Variants in PARD3B observed in about 807,000 individuals in gnomAD.
PARD3B encodes partitioning defective 3 homolog B.
A neutral mutation model predicts 130.2 loss-of-function variants in PARD3B; 103 were observed. The observed-to-expected ratio is 0.79, with a 90% CI of 0.67 to 0.93. The LOEUF is 0.93. Ranked by LOEUF, PARD3B falls within the 40% of genes least tolerant of loss-of-function variation. PARD3B has a pLI of 0.00. For synonymous variants in PARD3B, 583 were observed against 553.2 expected, an observed-to-expected ratio of 1.05 and a Z score of -0.76; for missense variants, 1,609 against 1,499.2, an observed-to-expected ratio of 1.07 and a Z score of -1.21.
At chr2:204,935,585 A>G (rs1314218201) in intron 2 of PARD3B, among the ~76,000 whole-genome samples, 1 of 151,426 alleles carries the variant, frequency 6.6e-6, no homozygotes, top group Non-Finnish European at 1.5e-5. Context: ...TTTATATAGT[A>G]CATATATAGT....
In PARD3B at chr2:205,564,684, A is replaced by G. The variant is rs2053258164; in HGVS notation, c.3260+11281A>G. Reference sequence around the variant, plus strand: ...AAGAGAGCTTTGGCAGTCAGTTACTATGGTGGTGCCACCCGAGCCCATCTG... The same window carrying G: ...AAGAGAGCTTTGGCAGTCAGTTACTGTGGTGGTGCCACCCGAGCCCATCTG... On this transcript the variant is annotated intron_variant, in intron 22 of 22. Transcript: ENST00000406610. This position sits in a 1 kb window ranked among gnomAD's most constrained non-coding sequence, Gnocchi z 4.6. Among the ~76,000 whole-genome samples, 1 of 152,164 alleles carries G rather than the reference A, an allele frequency of 6.6e-6. No individual in the cohort carries two copies. Among genetic ancestry groups the G allele is most frequent in the Non-Finnish European group, 1.5e-5 (1 of 68,028 alleles).
At chr2:204,973,121 G>T (rs1161194042) in intron 3 of PARD3B, among the ~76,000 whole-genome samples, 1 of 152,108 alleles carries the variant, frequency 6.6e-6, no homozygotes, top group Admixed American at 6.5e-5. Context: ...CCAGTCCCCA[G>T]CTCGCTCTCT....
At chr2:205,334,706 A>G (rs1489226498) in intron 18 of PARD3B, among the ~76,000 whole-genome samples, 1 of 152,104 alleles carries the variant, frequency 6.6e-6, no homozygotes. Flanking sequence ...GTTTCCTCTG[A>G]TGAGTTTTAG....
intron 2 of PARD3B, among the ~76,000 whole-genome samples, chr2:204,937,694 C>T (rs941947536): frequency 2.2e-4 from 34 of 152,286 alleles, no homozygotes; most frequent in Admixed American, 6.5e-4. Context: ...GTTTCTTCTT[C>T]GCTCATTATG....
intron 11 of PARD3B, among the ~76,000 whole-genome samples, chr2:205,171,927 T>G (rs184999116): frequency 6.6e-6 from 1 of 152,272 alleles, no homozygotes; most frequent in Non-Finnish European, 1.5e-5. Context: ...TTAGCATGCT[T>G]GCCAAAGATT....
At chr2:205,072,388 T>A (rs902753344) in intron 4 of PARD3B, among the ~76,000 whole-genome samples, 36 of 152,028 alleles carry the variant, frequency 2.4e-4, no homozygotes, top group African/African-American at 8.7e-4. Context: ...GTAGCTGGGA[T>A]TACAGGCGTG....
chr2:204,633,456 T>G (rs987911151), intron 1 of PARD3B, among the ~76,000 whole-genome samples: 1 of 152,154 alleles, frequency 6.6e-6, no homozygotes, highest in Admixed American at 6.5e-5. Flanking sequence ...CTAAAAACAG[T>G]TAATTTAATA....
rs993700157 is a variant in PARD3B, at chr2:205,158,217, C to A, written c.1435-505C>A. ...ACTGTGTCTTATTAACAAACTTTAC[C>A]AATAGTGTTGTTTCCATAGTAAATG... On this transcript the variant is annotated intron_variant, in intron 10 of 22. Transcript: ENST00000406610. This position sits in a 1 kb window ranked among gnomAD's most constrained non-coding sequence, Gnocchi z 5.4. Among the ~76,000 whole-genome samples, 2 of 151,978 alleles carry A rather than the reference C, an allele frequency of 1.3e-5. No homozygotes were observed. Among genetic ancestry groups the A allele is most frequent in the African/African-American group, 4.8e-5 (2 of 41,372 alleles).
Position 204,606,891 on chromosome 2 carries a change from A to G in PARD3B, c.120+60772A>G, listed in dbSNP as rs910181173. 3.3e-5 allele frequency among the ~76,000 whole-genome samples: 5 copies of G among 152,144 alleles called. No homozygotes were observed. Among genetic ancestry groups the G allele is most frequent in the African/African-American group, 1.2e-4 (5 of 41,446 alleles). ...GTTTGTGTGTGTGGTTTTTCTGGGA[A>G]ATATTAAAGCCTTGAACAATCCCGT... On this transcript the variant is annotated intron_variant, in intron 1 of 22. Transcript: ENST00000406610. The surrounding 1 kb of genome is among the most constrained non-coding windows in gnomAD (Gnocchi z 4.0).
intron 2 of PARD3B, among the ~76,000 whole-genome samples, chr2:204,944,358 C>G (rs1447664622): frequency 6.6e-6 from 1 of 152,138 alleles, no homozygotes; most frequent in Non-Finnish European, 1.5e-5. Flanking sequence ...GGCTTCTGTC[C>G]CCCAGCTCCC....
At chr2:205,330,804 G>A (rs1216917306) in intron 18 of PARD3B, among the ~76,000 whole-genome samples, 1 of 152,196 alleles carries the variant, frequency 6.6e-6, no homozygotes, top group South Asian at 2.1e-4. Flanking sequence ...TGCGGAGCAA[G>A]AAGGGTTAGA....
At position 205,280,285 on chromosome 2, in the gene PARD3B, G is replaced by GTATTT. The variant is rs2041138861; in HGVS notation, c.2186-20243_2186-20239dup. Among the ~76,000 whole-genome samples the GTATTT allele has an allele frequency of 6.6e-6, 1 of 152,126 alleles. No homozygotes were observed. The highest frequency in any genetic ancestry group is 1.5e-5 in the Non-Finnish European group (1 of 68,006). On this transcript the variant is annotated intron_variant, in intron 16 of 22. Coordinates refer to ENST00000406610, the MANE Select transcript of PARD3B (RefSeq NM_001302769.2). The surrounding 1 kb of genome is among the most constrained non-coding windows in gnomAD (Gnocchi z 4.7). ...GTTTGTCACCAAAGAAAAGTAGATG[G>GTATTT]TATTTTTGTGCCTTGGATAATGTTA... is the stretch of plus-strand genomic sequence containing the variant.
intron 20 of PARD3B, among the ~76,000 whole-genome samples, chr2:205,451,205 T>G (rs2106195802): frequency 6.6e-6 from 1 of 152,338 alleles, no homozygotes; most frequent in East Asian, 1.9e-4. Context: ...GTAGCCACTC[T>G]AAGTTTCATG....
intron 19 of PARD3B, among the ~76,000 whole-genome samples, chr2:205,426,642 A>G (rs1481233723): frequency 1.3e-5 from 2 of 152,208 alleles, no homozygotes; most frequent in African/African-American, 2.4e-5. Context: ...AGTAGCAACA[A>G]AGAGAATTTC....
intron 1 of PARD3B, among the ~76,000 whole-genome samples, chr2:204,644,365 A>G (rs1278890363): frequency 4.6e-5 from 7 of 152,066 alleles, no homozygotes; most frequent in African/African-American, 1.2e-4. Context: ...GTGGGTGTCT[A>G]TCTTTGTGTG....
intron 21 of PARD3B, among the ~76,000 whole-genome samples, chr2:205,541,238 CTT>C (rs2052112502): frequency 6.6e-6 from 1 of 151,906 alleles, no homozygotes; most frequent in African/African-American, 2.4e-5. Flanking sequence ...TTTCCATTCT[CTT>C]TTGCAGCTTT....
chr2:204,683,053 A>G (rs892272231), intron 1 of PARD3B, among the ~76,000 whole-genome samples: 1 of 152,298 alleles, frequency 6.6e-6, no homozygotes. Context: ...TCCTTTTGCA[A>G]TTCATTCTCA....
chr2:204,969,869 A>G (rs575791625), intron 3 of PARD3B, among the ~76,000 whole-genome samples: 1 of 152,212 alleles, frequency 6.6e-6, no homozygotes, highest in Admixed American at 6.5e-5. Flanking sequence ...TTTAAATCCT[A>G]TACATTTCAG....
At chr2:205,557,243 C>T (rs1368485710) in intron 22 of PARD3B, among the ~76,000 whole-genome samples, 2 of 152,188 alleles carry the variant, frequency 1.3e-5, no homozygotes, top group Non-Finnish European at 2.9e-5. Flanking sequence ...TCACATTATG[C>T]AGCACCAGCT....
Sources: allele counts gnomAD v4.1 joint callset (sites outside exome capture counted in the v4.1 genomes callset), GRCh38; gene constraint gnomAD v4.1.1; non-coding constraint Gnocchi (gnomAD v3.1); transcripts MANE v1.5; gene names NCBI Gene and HGNC (gene_info 2026-07-23, HGNC 2026-07-21).